The following POP1 variants were observed in gnomAD, a reference collection of about 807,000 sequenced individuals.
The protein encoded by POP1 is ribonucleases P/MRP protein subunit POP1.
A neutral mutation model predicts 102.2 loss-of-function variants in POP1; 75 were observed. The observed-to-expected ratio is 0.73, with a 90% CI of 0.61 to 0.89. POP1 has a LOEUF of 0.89. POP1 is among the 40% of genes least tolerant of loss of function. POP1 has a pLI of 0.00. For missense variants in POP1, 1,116 were observed against 1,267.4 expected, an observed-to-expected ratio of 0.88 and a Z score of 1.81; for synonymous variants, 436 against 464.1, an observed-to-expected ratio of 0.94 and a Z score of 0.78.
chr8:98,147,387 A>G (rs1044473970), intron 12 of POP1, among the ~76,000 whole-genome samples: 6 of 152,238 alleles, frequency 3.9e-5, no homozygotes, highest in Admixed American at 1.3e-4. Flanking sequence ...GGCAAAAACC[A>G]GGAAGACTCT....
In POP1 at chr8:98,150,492, G is replaced by A. The variant is rs1480719447; in HGVS notation, c.1910G>A (p.Arg637Gln). Residue 637 changes from arginine (R) to glutamine (Q), a missense_variant, in exon 14 of 16, where the codon CGA (arginine) becomes CAA (glutamine). Transcript: ENST00000401707. ...TTTTGACATTTCTTTTAGATTTATC[G>A]AGGTGTGAGAGTCGGAGGGTTGAAA... is the stretch of plus-strand genomic sequence containing the variant. The part of the protein sequence containing the change: ...GMAFWIPFIY[R>Q]GVRVGGLKES... The A allele has an allele frequency of 1.9e-6, 3 of 1,613,772 alleles. No individual in the cohort carries two copies. Among genetic ancestry groups the A allele is most frequent in the African/African-American group, 2.7e-5 (2 of 74,890 alleles).
chr8:98,139,155 T>A (rs1296033501), intron 9 of POP1, among the ~76,000 whole-genome samples: 1 of 152,120 alleles, frequency 6.6e-6, no homozygotes, highest in Admixed American at 6.5e-5. Flanking sequence ...CCGGCCATGA[T>A]TGCTTCTTTA....
At chr8:98,122,627 C>T (rs1208394343) in intron 1 of POP1, among the ~76,000 whole-genome samples, 2 of 152,136 alleles carry the variant, frequency 1.3e-5, no homozygotes, top group African/African-American at 4.8e-5. Context: ...TTCATAATAT[C>T]ATCTAGTGTA....
In POP1 at chr8:98,148,892, T is replaced by C; in HGVS notation, c.1788T>C (p.Pro596=). 9 of 1,613,920 alleles carry C rather than the reference T, an allele frequency of 5.6e-6. No homozygotes were observed. The highest frequency in any genetic ancestry group is 7.6e-6 in the Non-Finnish European group (9 of 1,179,900). The change falls in exon 13 of 16, where the codon CCT becomes CCC. Residue 596 remains proline, a synonymous_variant. Transcript: ENST00000401707. ...TAGGTCCCCATGAATCCAAGATACC[T>C]ATACTTTTGATTCAGCAGCCAGGAA... ...LILGPHESKI[P]ILLIQQPGKV...
intron 12 of POP1, among the ~76,000 whole-genome samples, chr8:98,148,398 T>A (rs1298598354): frequency 6.6e-6 from 1 of 152,244 alleles, no homozygotes; most frequent in Admixed American, 6.5e-5. Flanking sequence ...TTCTTGAAGA[T>A]CTGATGAGCA....
At chr8:98,129,011 C>A (rs1816298438) in intron 4 of POP1, among the ~76,000 whole-genome samples, 1 of 151,914 alleles carries the variant, frequency 6.6e-6, no homozygotes, top group East Asian at 1.9e-4. Flanking sequence ...CAAACTTCTT[C>A]CCTTCAAACG....
rs749194123 is a variant in POP1 at position 98,140,059 on chromosome 8, A to C, written c.1363-19A>C. The C allele has an allele frequency of 2.8e-5, 44 of 1,577,154 alleles. No individual in the cohort carries two copies. The highest frequency in any genetic ancestry group is 3.8e-5 in the Non-Finnish European group (44 of 1,146,936). On this transcript the variant is annotated intron_variant, in intron 9 of 15. Coordinates refer to ENST00000401707, the MANE Select transcript of POP1 (RefSeq NM_001145860.2). ...TGGATTCATTGTTCGTCCAGTGAATAGTAGTTGTTATTTTTCAGGTGGGAG... is the reference window on the plus strand; with the variant it reads ...TGGATTCATTGTTCGTCCAGTGAATCGTAGTTGTTATTTTTCAGGTGGGAG...
At chr8:98,129,720 A>C (rs993185526) in intron 4 of POP1, among the ~76,000 whole-genome samples, 2 of 152,214 alleles carry the variant, frequency 1.3e-5, no homozygotes, top group Non-Finnish European at 2.9e-5. Context: ...TCTGATCTTC[A>C]TATTCCATGA....
intron 14 of POP1, among the ~76,000 whole-genome samples, chr8:98,152,708 T>C (rs1809551643): frequency 6.6e-6 from 1 of 152,246 alleles, no homozygotes. Flanking sequence ...GCCAGCTTTG[T>C]TCAAAATGTC....
chr8:98,118,798 T>A (rs778720660), intron 1 of POP1, among the ~76,000 whole-genome samples: 4 of 151,690 alleles, frequency 2.6e-5, no homozygotes, highest in Non-Finnish European at 4.4e-5. Flanking sequence ...TTATATGAGA[T>A]CCTATTTTCT....
chr8:98,125,957 C>T (rs914032969), intron 2 of POP1, among the ~76,000 whole-genome samples: 9 of 152,108 alleles, frequency 5.9e-5, no homozygotes, highest in Non-Finnish European at 1.2e-4. Flanking sequence ...GTGATCCTCC[C>T]ACCTCAGCTT....
At chr8:98,127,228 G>T (rs1448897761) in intron 2 of POP1, among the ~76,000 whole-genome samples, 3 of 152,260 alleles carry the variant, frequency 2.0e-5, no homozygotes, top group Admixed American at 6.5e-5. Context: ...CACCTCGGGG[G>T]TTAGGATTTC....
intron 1 of POP1, among the ~76,000 whole-genome samples, chr8:98,122,139 G>A (rs549729804): frequency 1.7e-4 from 26 of 152,158 alleles, no homozygotes; most frequent in South Asian, 8.3e-4. Flanking sequence ...TGGTTACACC[G>A]TTTTAATATG....
chr8:98,130,819 C>T (rs1816360572), intron 5 of POP1, among the ~76,000 whole-genome samples: 1 of 152,148 alleles, frequency 6.6e-6, no homozygotes, highest in Non-Finnish European at 1.5e-5. Context: ...GTTTATGGGT[C>T]AGTGGGATGC....
Position 98,137,385 on chromosome 8 carries a change from C to T in POP1, c.1362+431C>T, listed in dbSNP as rs563668934. Among the ~76,000 whole-genome samples, 13 of 152,182 alleles carry T rather than the reference C, an allele frequency of 8.5e-5. No homozygotes were observed. The South Asian group carries it at 1.2e-3, about 15-fold the overall frequency. On this transcript the variant is annotated intron_variant, in intron 9 of 15. Transcript: ENST00000401707. ...TGGTGCGATCTTGGTTCACTGCACC[C>T]TCTGCCTCCTGGGTTCAAGCGATTC... is the stretch of plus-strand genomic sequence containing the variant.
intron 14 of POP1, among the ~76,000 whole-genome samples, chr8:98,155,604 C>T (rs935082842): frequency 2.7e-5 from 4 of 150,158 alleles, no homozygotes; most frequent in Admixed American, 6.7e-5. Flanking sequence ...TTTTCTGAGA[C>T]GGAGTCTCAC....
intron 2 of POP1, among the ~76,000 whole-genome samples, chr8:98,123,731 C>T (rs1414074039): frequency 2.7e-5 from 4 of 149,372 alleles, no homozygotes; most frequent in Non-Finnish European, 5.9e-5. Flanking sequence ...GAGCTGAGAT[C>T]ATGACACTGC....
chr8:98,137,661 C>G (rs1038473455), intron 9 of POP1, among the ~76,000 whole-genome samples: 1 of 152,194 alleles, frequency 6.6e-6, no homozygotes, highest in African/African-American at 2.4e-5. Flanking sequence ...GGCAGCACTT[C>G]CAGTAGAGCT....
chr8:98,128,607 C>T, intron 4 of POP1, 67 bp downstream of exon 4: 2 of 1,544,016 alleles, frequency 1.3e-6, no homozygotes, highest in East Asian at 2.3e-5. Flanking sequence ...AAGTATTGAC[C>T]TAATAGAATT....
Sources: allele counts gnomAD v4.1 joint callset (sites outside exome capture counted in the v4.1 genomes callset), GRCh38; gene constraint gnomAD v4.1.1; transcripts MANE v1.5; gene names NCBI Gene and HGNC (gene_info 2026-07-23, HGNC 2026-07-21).